SETD7: variants seen among roughly 807,000 people sequenced by gnomAD.
SETD7 encodes SET domain containing 7, histone lysine methyltransferase, also known as histone-lysine N-methyltransferase SETD7.
In SETD7, 16 loss-of-function variants were observed where a neutral mutation model predicts 41.8. The observed-to-expected ratio is 0.38, with a 90% CI of 0.26 to 0.58. The LOEUF (loss-of-function observed/expected upper bound fraction) is 0.58, where lower values mean the gene tolerates loss of function less well. Ranked by LOEUF, SETD7 falls within the 20% of genes least tolerant of loss-of-function variation. SETD7 has a pLI of 0.64. For missense variants in SETD7, 346 were observed against 459.7 expected, an observed-to-expected ratio of 0.75 and a Z score of 2.26; for synonymous variants, 163 against 169.7, an observed-to-expected ratio of 0.96 and a Z score of 0.31.
At chr4:139,531,853 G>A (rs1219872285) in intron 3 of SETD7, among the ~76,000 whole-genome samples, 1 of 152,182 alleles carries the variant, frequency 6.6e-6, no homozygotes, top group African/African-American at 2.4e-5. Context: ...CACTTTGGGA[G>A]GCCGAGGCAA....
At chr4:139,496,488 T>G (rs1011064722) in exon 8 of SETD7, 5 of 702,256 alleles carry the variant, frequency 7.1e-6, no homozygotes, top group South Asian at 1.5e-5. Context: ...CAAATCTGCT[T>G]CTTTTACACG....
rs1579206732 is a variant in SETD7, at chr4:139,520,402, GAA to G, written c.645-10_645-9del. ...GATTCAGCAACATAAACCCTAAATT[GAA>G]AAAAGAGTTGAATAGTGACCTTTTC... On this transcript the variant is annotated splice_polypyrimidine_tract_variant and intron_variant, in intron 5 of 7. Coordinates refer to ENST00000274031, the MANE Select transcript of SETD7 (RefSeq NM_030648.4). 6.5e-7 allele frequency: 1 copy of G among 1,536,978 alleles called. No homozygotes were observed. Among genetic ancestry groups the G allele is most frequent in the South Asian group, 1.2e-5 (1 of 84,212 alleles).
intron 7 of SETD7, among the ~76,000 whole-genome samples, chr4:139,514,864 T>C (rs1726981589): frequency 1.3e-5 from 2 of 152,210 alleles, no homozygotes; most frequent in African/African-American, 2.4e-5. Context: ...GTTTTGTTTA[T>C]GTTAAAGTGT....
At position 139,523,357 on chromosome 4, in the gene SETD7, T is replaced by C. The variant is rs560770678; in HGVS notation, c.641A>G (p.Glu214Gly). The change falls in exon 5 of 8, where the codon GAA becomes GGA. Residue 214 changes from glutamate to glycine, a missense_variant. Physicochemically the swap from Glu to Gly is moderately conservative, Grantham distance 98 (BLOSUM62 -2). This residue lies in a region of SETD7 where 266 missense variants were observed against 377.0 expected (regional missense o/e 0.71). Transcript: ENST00000274031. ...NALLPDPYES[E>G]RVYVAESLIS... ...AAAACCCCAAGGAGGAAATTACCTT[T>C]CTGATTCATAAGGATCTGGAAGAAG... 1.3e-5 allele frequency: 21 copies of C among 1,609,304 alleles called. No individual in the cohort carries two copies. The South Asian group carries it at 2.3e-4, about 18-fold the overall frequency.
At chr4:139,516,681 AC>A (rs1476907651) in intron 7 of SETD7, among the ~76,000 whole-genome samples, 1 of 152,106 alleles carries the variant, frequency 6.6e-6, no homozygotes, top group Non-Finnish European at 1.5e-5. Context: ...TTAAAAAAAA[AC>A]AGCTTTGTTA....
rs1241845772 is a variant in SETD7, at chr4:139,511,454, T to A, written c.*209A>T. On this transcript the variant is annotated 3_prime_UTR_variant, in exon 8 of 8. Transcript: ENST00000274031. Reference sequence around the variant, plus strand: ...TCAAATGCTCGACAATACCTCTCAGTAGGACGTTGTTGCAAGGCTAGCTAA... The same window carrying A: ...TCAAATGCTCGACAATACCTCTCAGAAGGACGTTGTTGCAAGGCTAGCTAA... 2.0e-5 allele frequency: 15 copies of A among 749,880 alleles called. No individual in the cohort carries two copies. Among genetic ancestry groups the A allele is most frequent in the East Asian group, 6.0e-5 (2 of 33,160 alleles). The allele number at this position is 749,880 out of a possible 1,614,324, so 46.5% of individuals were successfully genotyped here.
intron 7 of SETD7, among the ~76,000 whole-genome samples, chr4:139,517,475 CAAAAAAAAAAAAAAAA>C (rs56132171): frequency 1.2e-3 from 167 of 133,820 alleles, no homozygotes; most frequent in Admixed American, 1.8e-3. Flanking sequence ...AAATCCATCT[CAAAAAAAAAAAAAAAA>C]AAAAAAAAAA....
At chr4:139,538,645 G>A (rs1386056730) in intron 2 of SETD7, among the ~76,000 whole-genome samples, 5 of 151,610 alleles carry the variant, frequency 3.3e-5, no homozygotes, top group East Asian at 1.9e-4. Flanking sequence ...TCTATACCAC[G>A]CATTTTCCTA....
At chr4:139,520,667 A>G (rs950316503) in intron 5 of SETD7, among the ~76,000 whole-genome samples, 6 of 152,212 alleles carry the variant, frequency 3.9e-5, no homozygotes, top group African/African-American at 1.4e-4. Context: ...AGTGCTTGAT[A>G]TGAGGTATTT....
chr4:139,514,135 T>G (rs2012270), intron 7 of SETD7, among the ~76,000 whole-genome samples: 120,540 of 152,118 alleles, frequency 0.79, 48,632 homozygotes, highest in East Asian at 0.96. Flanking sequence ...ATACAAAAAA[T>G]TAGCCAGGGG....
At chr4:139,516,410 G>T (rs1727025654) in intron 7 of SETD7, among the ~76,000 whole-genome samples, 1 of 138,994 alleles carries the variant, frequency 7.2e-6, no homozygotes, top group Non-Finnish European at 1.6e-5. Flanking sequence ...AGGTTGCAGT[G>T]AGCCGAGATC....
intron 1 of SETD7, among the ~76,000 whole-genome samples, chr4:139,554,980 A>G (rs1226609805): frequency 1.3e-5 from 2 of 152,200 alleles, no homozygotes; most frequent in African/African-American, 4.8e-5. Flanking sequence ...ACAGCTAAAA[A>G]TTATTTACTC....
intron 3 of SETD7, among the ~76,000 whole-genome samples, chr4:139,529,810 T>C (rs1193631528): frequency 6.6e-6 from 1 of 152,242 alleles, no homozygotes; most frequent in Non-Finnish European, 1.5e-5. Context: ...GTCTGGACAC[T>C]GCCTTTCTGA....
rs1727414394 is a variant in SETD7, at chr4:139,529,224, A to G, written c.373-4T>C. ...CTCCTACAAGGCTTCCTCCATCCTG[A>G]TGGGAGAAACCAAAAACCAGAAAAT... On this transcript the variant is annotated splice_region_variant and splice_polypyrimidine_tract_variant and intron_variant, in intron 3 of 7. Coordinates refer to ENST00000274031, the MANE Select transcript of SETD7 (RefSeq NM_030648.4). The G allele has an allele frequency of 1.9e-6, 3 of 1,599,210 alleles. No homozygotes were observed. The East Asian group carries it at 6.7e-5, about 36-fold the overall frequency.
In SETD7 at chr4:139,517,925, T is replaced by C; in HGVS notation, c.880A>G (p.Lys294Glu). 6.2e-7 allele frequency: 1 copy of C among 1,613,894 alleles called. No individual in the cohort carries two copies. The change falls in exon 7 of 8, where the codon AAG becomes GAG. Residue 294 changes from lysine (K) to glutamate (E), a missense_variant. By Grantham distance (56) the Lys-to-Glu change is moderately conservative. This residue lies in a region of SETD7 where 266 missense variants were observed against 377.0 expected (regional missense o/e 0.71). Coordinates refer to ENST00000274031, the MANE Select transcript of SETD7 (RefSeq NM_030648.4). ...TTTGGAGTGAAGGAGTGATTTGCCT[T>C]GTGTCCCAAGGAGGCACAGTACTTG... is the stretch of plus-strand genomic sequence containing the variant. The part of the protein sequence containing the change: ...VSKYCASLGH[K>E]ANHSFTPNCI...
rs1474908316 is a variant in SETD7, at chr4:139,510,600, C to G, written c.*1063G>C. 6.6e-6 allele frequency: 1 copy of G among 152,142 alleles called. No individual in the cohort carries two copies. Among genetic ancestry groups the G allele is most frequent in the Admixed American group, 6.5e-5 (1 of 15,276 alleles). The allele number at this position is 152,142 out of a possible 1,614,324, so 9.4% of individuals were successfully genotyped here. On this transcript the variant is annotated 3_prime_UTR_variant, in exon 8 of 8. Transcript: ENST00000274031. Reference sequence around the variant, plus strand: ...CAAGGTTTGATTTGTACCTAGTAATCAGTGTGTCTGCCTTAGTAGTACTGA... The same window carrying G: ...CAAGGTTTGATTTGTACCTAGTAATGAGTGTGTCTGCCTTAGTAGTACTGA...
chr4:139,538,393 A>G (rs955275532), intron 2 of SETD7, among the ~76,000 whole-genome samples: 3 of 152,280 alleles, frequency 2.0e-5, no homozygotes, highest in Non-Finnish European at 2.9e-5. Flanking sequence ...ACAGTGGTGC[A>G]ATCTCGGCTT....
intron 2 of SETD7, chr4:139,546,298 A>T (rs906409904): frequency 4.9e-5 from 9 of 182,924 alleles, no homozygotes. Context: ...GTACCTGTTT[A>T]TGTCTTATTA....
intron 5 of SETD7, among the ~76,000 whole-genome samples, 180 bp from the exon 6 acceptor site, chr4:139,520,574 G>A (rs1226136404): frequency 1.3e-5 from 2 of 152,170 alleles, no homozygotes; most frequent in South Asian, 2.1e-4. Flanking sequence ...TTAAACAAAC[G>A]GTAGTTATGT....
Sources: gnomAD v4.1 joint callset for allele counts (sites outside exome capture counted in the v4.1 genomes callset) on GRCh38, gnomAD v4.1.1 for gene constraint, gnomAD v4.1.1 regional missense constraint, MANE v1.5 for transcripts, NCBI Gene and HGNC (gene_info 2026-07-23, HGNC 2026-07-21) for gene names.